The following UBXN2B variants were observed in gnomAD, a reference collection of about 807,000 sequenced individuals.
UBXN2B encodes the protein UBX domain-containing protein 2B.
Under a neutral mutation model 37.5 loss-of-function variants are expected in UBXN2B, and 19 were observed. The ratio of observed to expected loss-of-function variants is 0.51; its 90% CI spans 0.35 to 0.74. UBXN2B has a LOEUF of 0.74. Ranked by LOEUF, UBXN2B falls within the 30% of genes least tolerant of loss-of-function variation. The probability of loss-of-function intolerance (pLI) is 0.01; values close to 1 mark genes in which losing one functional copy is unlikely to be tolerated. For missense variants in UBXN2B, 370 were observed against 393.2 expected, an observed-to-expected ratio of 0.94 and a Z score of 0.50; for synonymous variants, 145 against 143.8, an observed-to-expected ratio of 1.01 and a Z score of -0.06.
chr8:58,422,883 C>T (rs1485925683), intron 2 of UBXN2B, among the ~76,000 whole-genome samples: 4 of 152,230 alleles, frequency 2.6e-5, no homozygotes, highest in African/African-American at 9.6e-5. Flanking sequence ...GCAGTTTTGG[C>T]TTCCCAAGGT....
intron 2 of UBXN2B, among the ~76,000 whole-genome samples, chr8:58,427,729 G>T (rs557152518): frequency 3.0e-4 from 45 of 152,308 alleles, no homozygotes; most frequent in African/African-American, 1.1e-3. Context: ...TATCTAGCAG[G>T]TGCTTTTAAA....
intron 2 of UBXN2B, chr8:58,425,394 A>G: frequency 8.8e-7 from 1 of 1,132,814 alleles, no homozygotes; most frequent in Admixed American, 1.7e-5. Context: ...TGGCAATGTA[A>G]CTCTTCTTGG....
At chr8:58,431,256 G>A (rs1263623319) in intron 3 of UBXN2B, among the ~76,000 whole-genome samples, 1 of 152,196 alleles carries the variant, frequency 6.6e-6, no homozygotes, top group Non-Finnish European at 1.5e-5. Flanking sequence ...GGCCGAAGCA[G>A]GCAGATCACA....
At chr8:58,441,686 T>C (rs1249411924) in intron 6 of UBXN2B, among the ~76,000 whole-genome samples, 1 of 152,064 alleles carries the variant, frequency 6.6e-6, no homozygotes, top group African/African-American at 2.4e-5. Context: ...ATAACGATAT[T>C]ATCTGATGAT....
At chr8:58,420,901 GATCCTGACAAAGGC>G (rs1188017164) in intron 2 of UBXN2B, among the ~76,000 whole-genome samples, 3 of 152,206 alleles carry the variant, frequency 2.0e-5, no homozygotes, top group Admixed American at 2.0e-4. Flanking sequence ...GGCAAATACA[GATCCTGACAAAGGC>G]ATCCTGACAT....
At position 58,423,434 on chromosome 8, in the gene UBXN2B, TG is replaced by T. The variant is rs1180295347; in HGVS notation, c.188+6482del. On this transcript the variant is annotated intron_variant, in intron 2 of 7. Coordinates refer to ENST00000399598, the MANE Select transcript of UBXN2B (RefSeq NM_001077619.2). ...AACAGTTGGGGGTGGGTTTTTTTTTTGTTGTTGTTTTTTTTTTTTGACACGG... is the reference window on the plus strand; with the variant it reads ...AACAGTTGGGGGTGGGTTTTTTTTTTTTGTTGTTTTTTTTTTTTGACACGG... Among the ~76,000 whole-genome samples the T allele has an allele frequency of 6.5e-3, 982 of 150,246 alleles. 14 individuals are homozygous for T. Among genetic ancestry groups the T allele is most frequent in the African/African-American group, 0.022 (918 of 40,898 alleles).
chr8:58,438,391 G>C (rs1489659142), intron 5 of UBXN2B, among the ~76,000 whole-genome samples: 1 of 152,212 alleles, frequency 6.6e-6, no homozygotes. Context: ...AAAAGCCACA[G>C]GTCCTCACCT....
intron 2 of UBXN2B, among the ~76,000 whole-genome samples, chr8:58,427,945 T>C (rs1032126118): frequency 4.6e-5 from 7 of 152,138 alleles, no homozygotes; most frequent in African/African-American, 1.2e-4. Context: ...TTGGATCCCA[T>C]TGGGCAAAGA....
chr8:58,438,732 T>A (rs1441562238), intron 5 of UBXN2B, among the ~76,000 whole-genome samples: 4 of 152,210 alleles, frequency 2.6e-5, no homozygotes, highest in Non-Finnish European at 4.4e-5. Flanking sequence ...GAGTTAATGC[T>A]GGAACGAGTT....
At chr8:58,431,880 G>A (rs1187761963) in intron 3 of UBXN2B, among the ~76,000 whole-genome samples, 3 of 152,128 alleles carry the variant, frequency 2.0e-5, no homozygotes, top group Non-Finnish European at 4.4e-5. Context: ...GCCATTATCT[G>A]TATTATTCTT....
At chr8:58,441,570 G>A (rs192725111) in intron 6 of UBXN2B, among the ~76,000 whole-genome samples, 275 of 151,910 alleles carry the variant, frequency 1.8e-3, no homozygotes, top group African/African-American at 5.4e-3. Flanking sequence ...ATGTTGGACC[G>A]CACATCCTTG....
chr8:58,417,096 G>A, intron 2 of UBXN2B, 143 bp downstream of exon 2: 1 of 620,274 alleles, frequency 1.6e-6, no homozygotes, highest in Non-Finnish European at 2.5e-6. Context: ...GGCAGATTTG[G>A]ATAAAAAATA....
chr8:58,422,441 C>T (rs916704483), intron 2 of UBXN2B, among the ~76,000 whole-genome samples: 3 of 152,204 alleles, frequency 2.0e-5, no homozygotes, highest in African/African-American at 7.2e-5. Flanking sequence ...ATTTTATTAC[C>T]ATCACAAAAG....
intron 2 of UBXN2B, chr8:58,426,759 T>C: frequency 1.6e-6 from 1 of 639,900 alleles, no homozygotes; most frequent in Non-Finnish European, 2.9e-6. Flanking sequence ...CACGTTGGGC[T>C]GGCCCGAGGG....
intron 2 of UBXN2B, among the ~76,000 whole-genome samples, chr8:58,420,891 G>A (rs1807907120): frequency 6.6e-6 from 1 of 152,120 alleles, no homozygotes; most frequent in Admixed American, 6.5e-5. Flanking sequence ...TAAAATTAAG[G>A]GCAAATACAG....
intron 5 of UBXN2B, chr8:58,435,017 T>C (rs1808375793): frequency 4.0e-6 from 6 of 1,502,750 alleles, no homozygotes; most frequent in Non-Finnish European, 5.3e-6. Flanking sequence ...CCAAAGAACA[T>C]TGTAACTTAC....
At chr8:58,431,275 C>A (rs923449088) in intron 3 of UBXN2B, among the ~76,000 whole-genome samples, 4 of 152,310 alleles carry the variant, frequency 2.6e-5, no homozygotes, top group Admixed American at 2.0e-4. Context: ...CAGTTCAAGA[C>A]CAGCCTGGCC....
chr8:58,419,202 G>T (rs941304526), intron 2 of UBXN2B, among the ~76,000 whole-genome samples: 1 of 152,160 alleles, frequency 6.6e-6, no homozygotes, highest in African/African-American at 2.4e-5. Flanking sequence ...ATAGCAGATT[G>T]TTCGCAATCT....
chr8:58,420,792 A>G (rs1807905622), intron 2 of UBXN2B, among the ~76,000 whole-genome samples: 1 of 152,246 alleles, frequency 6.6e-6, no homozygotes, highest in Non-Finnish European at 1.5e-5. Context: ...AACTGCCTGT[A>G]GTGAAAAAAG....
Sources: gnomAD v4.1 joint callset for allele counts (sites outside exome capture counted in the v4.1 genomes callset) on GRCh38, gnomAD v4.1.1 for gene constraint, MANE v1.5 for transcripts, NCBI Gene and HGNC (gene_info 2026-07-23, HGNC 2026-07-21) for gene names.